GABRB2: variants seen among roughly 807,000 people sequenced by gnomAD.
GABRB2 encodes gamma-aminobutyric acid type A receptor subunit beta2.
GABRB2 carries 16 observed loss-of-function variants against 54.7 expected under a neutral mutation model. That is an observed-to-expected ratio of 0.29 (90% CI 0.20 to 0.44). The LOEUF (loss-of-function observed/expected upper bound fraction) is 0.44, where lower values mean the gene tolerates loss of function less well. Among genes scored for constraint, GABRB2 ranks in the 20% least tolerant of loss-of-function variants. GABRB2 has a pLI of 1.00. For missense variants in GABRB2, 355 were observed against 644.0 expected, an observed-to-expected ratio of 0.55 and a Z score of 4.86; for synonymous variants, 244 against 233.8, an observed-to-expected ratio of 1.04 and a Z score of -0.40.
intron 5 of GABRB2, among the ~76,000 whole-genome samples, chr5:161,358,817 A>T (rs928991882): frequency 1.3e-4 from 20 of 152,152 alleles, no homozygotes; most frequent in African/African-American, 4.1e-4. Flanking sequence ...AGAAGGTATG[A>T]AGTAGTTGTT....
chr5:161,341,674 G>T (rs1320239078), intron 5 of GABRB2, among the ~76,000 whole-genome samples: 1 of 151,416 alleles, frequency 6.6e-6, no homozygotes, highest in Non-Finnish European at 1.5e-5. Flanking sequence ...CTAAGAAATA[G>T]AAATACCATT....
chr5:161,529,860 A>T (rs1760403749), intron 3 of GABRB2, among the ~76,000 whole-genome samples: 3 of 152,094 alleles, frequency 2.0e-5, no homozygotes, highest in Non-Finnish European at 2.9e-5. Context: ...ATCCAAAACA[A>T]CAATTCCTGA....
At chr5:161,331,485 GGAAATA>G (rs1367055014) in intron 7 of GABRB2, among the ~76,000 whole-genome samples, 3 of 152,148 alleles carry the variant, frequency 2.0e-5, no homozygotes, top group Non-Finnish European at 4.4e-5. Flanking sequence ...GATGAGGTTA[GGAAATA>G]GAGACTTTTG....
intron 5 of GABRB2, among the ~76,000 whole-genome samples, chr5:161,340,262 G>C (rs1754119414): frequency 6.6e-6 from 1 of 152,166 alleles, no homozygotes; most frequent in Middle Eastern, 3.4e-3. Flanking sequence ...TTGGCAAAAT[G>C]ACAGTGTTTG....
rs533308700 is a variant in GABRB2, at chr5:161,393,299, TAAAAAAAAAAAAAAAAAAAAAAAAA to T, written c.541+17651_541+17675del. Among the ~76,000 whole-genome samples, 202 of 40,328 alleles carry T rather than the reference TAAAAAAAAAAAAAAAAAAAAAAAAA, an allele frequency of 5.0e-3. 2 individuals carry two copies. The highest frequency in any genetic ancestry group is 0.016 in the African/African-American group (188 of 11,688). 26.5% of individuals were successfully genotyped at this position (40,328 alleles called of 152,430 possible). On this transcript the variant is annotated intron_variant, in intron 5 of 9. Transcript: ENST00000393959. Reference sequence around the variant, plus strand: ...TCCCTTTTATAACTCTTTAAAAATGTAAAAAAAAAAAAAAAAAAAAAAAAAAAAAAAAAAAAAAAAAAAAAAGCCA... The same window carrying T: ...TCCCTTTTATAACTCTTTAAAAATGTAAAAAAAAAAAAAAAAAAAAAGCCA...
intron 4 of GABRB2, among the ~76,000 whole-genome samples, chr5:161,445,715 C>T (rs574746468): frequency 1.8e-4 from 28 of 152,252 alleles, no homozygotes; most frequent in African/African-American, 6.7e-4. Context: ...ACTCTTTCAA[C>T]CAATTGCCAA....
chr5:161,312,794 C>T (rs1285100252), intron 9 of GABRB2, among the ~76,000 whole-genome samples: 1 of 151,668 alleles, frequency 6.6e-6, no homozygotes, highest in African/African-American at 2.4e-5. Flanking sequence ...AGGGACTTTA[C>T]ATTCTTAGAT....
chr5:161,385,948 GTGTGTGTGTGTGTGTGTGT>G (rs1755616547), intron 5 of GABRB2, among the ~76,000 whole-genome samples: 4 of 108,280 alleles, frequency 3.7e-5, no homozygotes, highest in East Asian at 2.8e-4. Flanking sequence ...CTATTGTCTG[GTGTGTGTGTGTGTGTGTGT>G]GTGTGTGTGT....
intron 3 of GABRB2, among the ~76,000 whole-genome samples, chr5:161,508,980 T>C (rs1759685835): frequency 6.6e-6 from 1 of 152,002 alleles, no homozygotes; most frequent in African/African-American, 2.4e-5. Context: ...AGCTATTCTG[T>C]CTTTGGAGAG....
chr5:161,517,541 C>T (rs1195978280), intron 3 of GABRB2, among the ~76,000 whole-genome samples: 1 of 152,100 alleles, frequency 6.6e-6, no homozygotes, highest in Non-Finnish European at 1.5e-5. Flanking sequence ...TGTGCATCCT[C>T]ATTGTTGCCT....
At chr5:161,414,418 T>C (rs550918214) in intron 4 of GABRB2, among the ~76,000 whole-genome samples, 1 of 152,192 alleles carries the variant, frequency 6.6e-6, no homozygotes, top group African/African-American at 2.4e-5. Context: ...TAACTCATTT[T>C]ACTAGAAGTT....
chr5:161,314,270 A>T (rs1026700645), intron 9 of GABRB2, among the ~76,000 whole-genome samples: 1 of 152,258 alleles, frequency 6.6e-6, no homozygotes, highest in African/African-American at 2.4e-5. Flanking sequence ...AGGGAGCCAC[A>T]GTAGGTACCC....
At chr5:161,435,498 T>C (rs1757282883) in intron 4 of GABRB2, among the ~76,000 whole-genome samples, 1 of 152,194 alleles carries the variant, frequency 6.6e-6, no homozygotes, top group African/African-American at 2.4e-5. Context: ...GGTATAATTA[T>C]AGGATATTTT....
chr5:161,489,791 T>C (rs1277200469), intron 3 of GABRB2, among the ~76,000 whole-genome samples: 1 of 151,746 alleles, frequency 6.6e-6, no homozygotes, highest in Non-Finnish European at 1.5e-5. Context: ...CAAAAGTCAC[T>C]ACTTACATTA....
chr5:161,351,968 T>G (rs769342351), intron 5 of GABRB2, among the ~76,000 whole-genome samples: 2 of 152,030 alleles, frequency 1.3e-5, no homozygotes, highest in Non-Finnish European at 2.9e-5. Context: ...ATCTCACTAA[T>G]CATCAGAGAA....
rs566899215 is a variant in GABRB2, at chr5:161,496,004, G to A, written c.238-36160C>T. 3.3e-5 allele frequency among the ~76,000 whole-genome samples: 5 copies of A among 152,200 alleles called. No individual in the cohort carries two copies. In the South Asian group the frequency reaches 8.3e-4, roughly 25 times the overall value. Reference sequence around the variant, plus strand: ...TCAGGAATGTTGCTATAACCCACACGGGAAGGTGGAGGTGTTAAGGAGGTC... The same window carrying A: ...TCAGGAATGTTGCTATAACCCACACAGGAAGGTGGAGGTGTTAAGGAGGTC... On this transcript the variant is annotated intron_variant, in intron 3 of 9. Coordinates refer to ENST00000393959, the MANE Select transcript of GABRB2 (RefSeq NM_001371727.1).
intron 3 of GABRB2, among the ~76,000 whole-genome samples, chr5:161,505,553 TA>T (rs1759580184): frequency 6.6e-6 from 1 of 152,098 alleles, no homozygotes; most frequent in Non-Finnish European, 1.5e-5. Context: ...ATAAAATATT[TA>T]CAAAAAAATT....
intron 5 of GABRB2, among the ~76,000 whole-genome samples, chr5:161,406,587 G>A (rs1004875235): frequency 1.2e-4 from 19 of 152,012 alleles, no homozygotes; most frequent in African/African-American, 3.9e-4. Context: ...CCAAAGCAAT[G>A]TGTTAGATTC....
At chr5:161,535,659 G>T (rs535841452) in intron 3 of GABRB2, among the ~76,000 whole-genome samples, 2 of 152,146 alleles carry the variant, frequency 1.3e-5, no homozygotes, top group African/African-American at 4.8e-5. Flanking sequence ...GCTAATAGTG[G>T]CTGTCTCAGT....
Sources: allele counts gnomAD v4.1 joint callset (sites outside exome capture counted in the v4.1 genomes callset), GRCh38; gene constraint gnomAD v4.1.1; transcripts MANE v1.5; gene names NCBI Gene and HGNC (gene_info 2026-07-23, HGNC 2026-07-21).